IFI44L: variants seen among roughly 807,000 people sequenced by gnomAD.
IFI44L encodes interferon-induced protein 44-like.
In IFI44L, 40 loss-of-function variants were observed where a neutral mutation model predicts 39.3. The ratio of observed to expected loss-of-function variants is 1.02; its 90% CI spans 0.79 to 1.33. The LOEUF (loss-of-function observed/expected upper bound fraction) is 1.33. Ranked by LOEUF, IFI44L falls within the 40% of genes most tolerant of loss-of-function variation. IFI44L has a pLI of 0.00. For missense variants in IFI44L, 623 were observed against 549.0 expected, an observed-to-expected ratio of 1.13 and a Z score of -1.35; for synonymous variants, 198 against 182.3, an observed-to-expected ratio of 1.09 and a Z score of -0.69.
Position 78,643,651 on chromosome 1 carries a change from TG to T in IFI44L, c.*1843del, listed in dbSNP as rs375201864. ...GTTTGTTTTGTTTTTTTTTTGTTGT[TG>T]TTTTTTTTTTTTTTTGTTTTTTTGC... On this transcript the variant is annotated 3_prime_UTR_variant, in exon 9 of 9. Transcript: ENST00000370751. 9.4e-4 allele frequency: 84 copies of T among 89,350 alleles called. No homozygotes were observed. The highest frequency in any genetic ancestry group is 3.9e-3 in the East Asian group (7 of 1,776). The allele number at this position is 89,350 out of a possible 1,614,324, so 5.5% of individuals were successfully genotyped here.
intron 4 of IFI44L, among the ~76,000 whole-genome samples, chr1:78,632,678 A>G (rs1652797566): frequency 6.6e-6 from 1 of 152,152 alleles, no homozygotes; most frequent in Non-Finnish European, 1.5e-5. Context: ...ACAGTGAAAT[A>G]TTACCTCCTT....
intron 3 of IFI44L, 177 bp from the exon 4 acceptor site, chr1:78,629,543 A>G (rs1010141073): frequency 4.3e-6 from 2 of 465,738 alleles, no homozygotes; most frequent in Non-Finnish European, 7.4e-6. Context: ...CACAAAATGT[A>G]TAACTTTAGA....
chr1:78,637,347 C>T, intron 6 of IFI44L, 144 bp downstream of exon 6: 1 of 610,274 alleles, frequency 1.6e-6, no homozygotes, highest in East Asian at 3.2e-5. Flanking sequence ...AGATCATTCA[C>T]AGGCATGACT....
chr1:78,631,877 G>T (rs1261756783), intron 4 of IFI44L, among the ~76,000 whole-genome samples: 1 of 151,996 alleles, frequency 6.6e-6, no homozygotes, highest in East Asian at 1.9e-4. Flanking sequence ...GAATCAAACG[G>T]TGGCACCAAA....
At chr1:78,626,966 A>G (rs1185407597) in intron 1 of IFI44L, 2 of 151,978 alleles carry the variant, frequency 1.3e-5, no homozygotes, top group South Asian at 4.1e-4. Context: ...GCTCTTTAGA[A>G]TCCCAAACTG....
At position 78,644,841 on chromosome 1, in the gene IFI44L, GC is replaced by G. The variant is rs1226499148; in HGVS notation, c.*3034del. The G allele has an allele frequency of 6.6e-6, 1 of 152,208 alleles. No individual in the cohort carries two copies. Among genetic ancestry groups the G allele is most frequent in the Non-Finnish European group, 1.5e-5 (1 of 68,036 alleles). The allele number at this position is 152,208 out of a possible 1,614,324, so 9.4% of individuals were successfully genotyped here. A position where few individuals can be genotyped will look rare whatever the true frequency, so the allele number is the denominator to read the frequency against. On this transcript the variant is annotated 3_prime_UTR_variant, in exon 9 of 9. Coordinates refer to ENST00000370751, the MANE Select transcript of IFI44L (RefSeq NM_006820.4). ...AGACAGTTGAAATGTCAATGCTAGA[GC>G]CTCTGTGGTGTGAATGGGCACGTTA...
At chr1:78,623,396 G>GTTTTTTT (rs71078508) in intron 1 of IFI44L, among the ~76,000 whole-genome samples, 102 of 121,254 alleles carry the variant, frequency 8.4e-4, no homozygotes, top group Middle Eastern at 5.1e-3. Flanking sequence ...AGTGTTTTTT[G>GTTTTTTT]TTTTTTTTTT....
chr1:78,638,443 C>T (rs997232068), intron 6 of IFI44L, among the ~76,000 whole-genome samples: 1 of 152,018 alleles, frequency 6.6e-6, no homozygotes, highest in African/African-American at 2.4e-5. Context: ...CCTTTTGGAA[C>T]TCTGGGACAT....
chr1:78,635,215 T>C, intron 4 of IFI44L, 122 bp from the exon 5 acceptor site: 1 of 739,620 alleles, frequency 1.4e-6, no homozygotes, highest in Non-Finnish European at 2.2e-6. Flanking sequence ...AAAGGGGTCC[T>C]GAGACCAAAC....
chr1:78,636,752 G>A lies in IFI44L; in HGVS notation c.877-280G>A. On this transcript the variant is annotated intron_variant, in intron 5 of 8. Coordinates refer to ENST00000370751, the MANE Select transcript of IFI44L (RefSeq NM_006820.4). ...TTCTGGATACTAGGATTTGAAATTAGCTTTTCAAAAATATTATTTAAACTT... is the reference window on the plus strand; with the variant it reads ...TTCTGGATACTAGGATTTGAAATTAACTTTTCAAAAATATTATTTAAACTT... The A allele has an allele frequency of 6.2e-6, 2 of 322,002 alleles. 1 individual carries two copies. Among genetic ancestry groups the A allele is most frequent in the South Asian group, 1.1e-4 (2 of 17,916 alleles). 19.9% of individuals were successfully genotyped at this position (322,002 alleles called of 1,614,324 possible). A position where few individuals can be genotyped will look rare whatever the true frequency, so the allele number is the denominator to read the frequency against.
intron 4 of IFI44L, among the ~76,000 whole-genome samples, chr1:78,630,425 A>G (rs764231910): frequency 1.3e-5 from 2 of 152,164 alleles, no homozygotes; most frequent in Non-Finnish European, 2.9e-5. Flanking sequence ...TTACAAAAAG[A>G]TATACATAAG....
In IFI44L at chr1:78,637,074, A is replaced by G. The variant is rs1331270557; in HGVS notation, c.919A>G (p.Ile307Val). ...AATTACACCTGAGCATTCTACTTTT[A>G]TCACCTCTCCATCTCTGAAGGACAG... ...KPITPEHSTF[I>V]TSPSLKDRIH... Residue 307 changes from isoleucine to valine, a missense_variant, in exon 6 of 9, where the codon ATC becomes GTC. By Grantham distance (29) the Ile-to-Val change is conservative (BLOSUM62 3). Coordinates refer to ENST00000370751, the MANE Select transcript of IFI44L (RefSeq NM_006820.4). The G allele has an allele frequency of 1.2e-6, 2 of 1,612,238 alleles. No individual in the cohort carries two copies. The highest frequency in any genetic ancestry group is 2.2e-5 in the South Asian group (2 of 91,012).
In IFI44L at chr1:78,642,912, T is replaced by C. The variant is rs1647004783; in HGVS notation, c.*1103T>C. The stretch of plus-strand genomic sequence containing the variant: ...GTTCTTATATTTATGCTCCAAATAA[T>C]TCTGAAGTCCTCTTACTAGCTGTGA... On this transcript the variant is annotated 3_prime_UTR_variant, in exon 9 of 9. Transcript: ENST00000370751. 1 of 152,078 alleles carries C rather than the reference T, an allele frequency of 6.6e-6. No individual in the cohort carries two copies. Among genetic ancestry groups the C allele is most frequent in the African/African-American group, 2.4e-5 (1 of 41,458 alleles). 9.4% of individuals were successfully genotyped at this position (152,078 alleles called of 1,614,324 possible). A position where few individuals can be genotyped will look rare whatever the true frequency, so the allele number is the denominator to read the frequency against.
intron 6 of IFI44L, among the ~76,000 whole-genome samples, chr1:78,638,316 G>A (rs1198655030): frequency 6.6e-6 from 1 of 151,990 alleles, no homozygotes; most frequent in Non-Finnish European, 1.5e-5. Context: ...AATGTTAAAA[G>A]ATCTATAAAT....
intron 1 of IFI44L, chr1:78,626,748 T>C (rs543517147): frequency 6.6e-6 from 1 of 151,990 alleles, no homozygotes; most frequent in Non-Finnish European, 1.5e-5. Flanking sequence ...ATGAATTATA[T>C]AGTGGTGAAT....
chr1:78,635,086 T>C (rs111233009), intron 4 of IFI44L, among the ~76,000 whole-genome samples: 1 of 151,650 alleles, frequency 6.6e-6, no homozygotes, highest in Non-Finnish European at 1.5e-5. Flanking sequence ...AATTTCTTTT[T>C]TAATTAAAAA....
chr1:78,633,355 G>A (rs1381451620), intron 4 of IFI44L, among the ~76,000 whole-genome samples: 1 of 152,176 alleles, frequency 6.6e-6, no homozygotes, highest in Non-Finnish European at 1.5e-5. Flanking sequence ...TGCCAAGTGA[G>A]ACCATGTGGC....
Position 78,628,288 on chromosome 1 carries a change from T to C in IFI44L, c.373T>C (p.Cys125Arg), listed in dbSNP as rs780646436. 1.0e-5 allele frequency: 16 copies of C among 1,606,658 alleles called. No individual in the cohort carries two copies. In the South Asian group the frequency reaches 1.8e-4, roughly 18 times the overall value. Residue 125 changes from cysteine to arginine, a missense_variant, in exon 2 of 9, where the codon TGT becomes CGT. Transcript: ENST00000370751. ...ATCGAAAACGGATATTTTCATTATA[T>C]GTCGAGATAATAAAATTTATCTAGA... ...RLSKTDIFII[C>R]RDNKIYLDKM...
chr1:78,626,285 C>T (rs1355844015), intron 1 of IFI44L: 1 of 151,880 alleles, frequency 6.6e-6, no homozygotes, highest in Admixed American at 6.6e-5. Context: ...ATTCATTTTA[C>T]TGTAAATCAT....
Sources: allele counts gnomAD v4.1 joint callset (sites outside exome capture counted in the v4.1 genomes callset), GRCh38; gene constraint gnomAD v4.1.1; transcripts MANE v1.5; gene names NCBI Gene and HGNC (gene_info 2026-07-23, HGNC 2026-07-21).